The following NHLRC3 variants were observed in gnomAD, a reference collection of about 807,000 sequenced individuals.
The protein encoded by NHLRC3 is NHL repeat containing 3.
In NHLRC3, 23 loss-of-function variants were observed where a neutral mutation model predicts 32.0. The observed-to-expected ratio is 0.72, with a 90% CI of 0.52 to 1.02. The LOEUF is 1.02. Among genes scored for constraint, NHLRC3 ranks in the 50% least tolerant of loss-of-function variants. The pLI is 0.00. For missense variants in NHLRC3, 407 were observed against 406.8 expected (o/e 1.00, Z -0.01); for synonymous variants, 159 against 147.9 (o/e 1.08, Z -0.55).
chr13:39,043,029 C>T (rs1871522793), intron 4 of NHLRC3, among the ~76,000 whole-genome samples: 1 of 152,154 alleles, frequency 6.6e-6, no homozygotes, highest in Non-Finnish European at 1.5e-5. Flanking sequence ...TTGCCTATAA[C>T]ATTTTTGAGG....
At chr13:39,041,490 G>A (rs1462726064) in intron 3 of NHLRC3, 1 of 152,350 alleles carries the variant, frequency 6.6e-6, no homozygotes, top group Non-Finnish European at 1.5e-5. Context: ...TCTGCTTTAT[G>A]CTCTTGCTTG....
chr13:39,039,703 T>A lies in NHLRC3; in HGVS notation c.377T>A (p.Val126Glu). 6.2e-7 allele frequency: 1 copy of A among 1,610,388 alleles called. No homozygotes were observed. The highest frequency in any genetic ancestry group is 8.5e-7 in the Non-Finnish European group (1 of 1,176,720). Residue 126 changes from valine to glutamate, a missense_variant, in exon 3 of 7, where the codon GTA becomes GAA. Coordinates refer to ENST00000379600, the MANE Select transcript of NHLRC3 (RefSeq NM_001012754.4). Reference protein sequence around the residue: ...LYEQSVWITDVGSGFFGHTVK... With the variant: ...LYEQSVWITDEGSGFFGHTVK... ...GAACAATCCGTCTGGATCACGGATG[T>A]AGGAAGTGGTATGTATAGTAATATC...
rs780783121 is a variant in NHLRC3, at chr13:39,038,509, G to A, written c.-131G>A. On this transcript the variant is annotated 5_prime_UTR_variant, in exon 1 of 7. Transcript: ENST00000379600. ...ACTCAAAGCTCGTGCATCCAGGGAG[G>A]GGAAACCGGAGATAGGGTCTTCGGG... 20 of 740,130 alleles carry A rather than the reference G, an allele frequency of 2.7e-5. No individual in the cohort carries two copies. Among genetic ancestry groups the A allele is most frequent in the Admixed American group, 1.0e-4 (5 of 48,024 alleles). 45.8% of individuals were successfully genotyped at this position (740,130 alleles called of 1,614,324 possible). A position where few individuals can be genotyped will look rare whatever the true frequency, so the allele number is the denominator to read the frequency against.
chr13:39,044,046 AC>A (rs1435731034), intron 4 of NHLRC3, 43 bp from the exon 5 acceptor site: 1 of 1,299,338 alleles, frequency 7.7e-7, no homozygotes, highest in Non-Finnish European at 1.1e-6. Context: ...AATGCATGAG[AC>A]ATTCTATATG....
upstream of NHLRC3, chr13:39,038,316 TTGG>T: frequency 2.6e-6 from 1 of 384,550 alleles, no homozygotes; most frequent in South Asian, 3.3e-5. Context: ...CGCCCATACT[TTGG>T]TGGCCACTGA....
At chr13:39,045,168 A>C (rs989139477) in intron 5 of NHLRC3, among the ~76,000 whole-genome samples, 4 of 152,226 alleles carry the variant, frequency 2.6e-5, no homozygotes, top group African/African-American at 9.6e-5. Context: ...ATTGACAAAA[A>C]TGAGAATGTT....
chr13:39,048,773 C>T lies in NHLRC3; in HGVS notation c.*847C>T, dbSNP rs1341540426. Reference sequence around the variant, plus strand: ...GCCTTTAAATGTAGGAATAAAATGGCTGGCATCTAAGCACTTTAGTAAAAG... The same window carrying T: ...GCCTTTAAATGTAGGAATAAAATGGTTGGCATCTAAGCACTTTAGTAAAAG... On this transcript the variant is annotated 3_prime_UTR_variant, in exon 7 of 7. Transcript: ENST00000379600. 6.6e-6 allele frequency: 1 copy of T among 152,270 alleles called. No homozygotes were observed. Among genetic ancestry groups the T allele is most frequent in the Non-Finnish European group, 1.5e-5 (1 of 68,024 alleles). The allele number at this position is 152,270 out of a possible 1,614,324, so 9.4% of individuals were successfully genotyped here.
rs1200170103 is a variant in NHLRC3 at position 39,049,889 on chromosome 13, G to A, written c.*1963G>A. 1 of 152,138 alleles carries A rather than the reference G, an allele frequency of 6.6e-6. No individual in the cohort carries two copies. Among genetic ancestry groups the A allele is most frequent in the Non-Finnish European group, 1.5e-5 (1 of 68,020 alleles). The allele number at this position is 152,138 out of a possible 1,614,324, so 9.4% of individuals were successfully genotyped here. A position where few individuals can be genotyped will look rare whatever the true frequency, so the allele number is the denominator to read the frequency against. On this transcript the variant is annotated 3_prime_UTR_variant, in exon 7 of 7. Coordinates refer to ENST00000379600, the MANE Select transcript of NHLRC3 (RefSeq NM_001012754.4). The stretch of plus-strand genomic sequence containing the variant: ...TTTTATTTTACTTTGTTTTATATCA[G>A]AGTCTTATAAAACCTGCTGCAAATA...
Position 39,047,868 on chromosome 13 carries a change from C to A in NHLRC3, c.986C>A (p.Ala329Glu). Residue 329 changes from alanine (A) to glutamate (E), a missense_variant, in exon 7 of 7, where the codon GCA (alanine) becomes GAA (glutamate). By Grantham distance (107) the Ala-to-Glu change is moderately radical. Coordinates refer to ENST00000379600, the MANE Select transcript of NHLRC3 (RefSeq NM_001012754.4). ...GCAGTCTATGTAGCAGAAATTGGAG[C>A]AAAACAAGTACAAAAATATGTCCCT... ...TGAVYVAEIG[A>E]KQVQKYVPLN... is the part of the protein sequence containing the mutation. 1 of 1,613,642 alleles carries A rather than the reference C, an allele frequency of 6.2e-7. No individual in the cohort carries two copies. Among genetic ancestry groups the A allele is most frequent in the Non-Finnish European group, 8.5e-7 (1 of 1,179,606 alleles).
In NHLRC3 at chr13:39,048,230, T is replaced by A. The variant is rs1204179830; in HGVS notation, c.*304T>A. 2 of 198,570 alleles carry A rather than the reference T, an allele frequency of 1.0e-5. No homozygotes were observed. Among genetic ancestry groups the A allele is most frequent in the African/African-American group, 2.3e-5 (1 of 43,374 alleles). 12.3% of individuals were successfully genotyped at this position (198,570 alleles called of 1,614,324 possible). A position where few individuals can be genotyped will look rare whatever the true frequency, so the allele number is the denominator to read the frequency against. On this transcript the variant is annotated 3_prime_UTR_variant, in exon 7 of 7. Transcript: ENST00000379600. The stretch of plus-strand genomic sequence containing the variant: ...ACTGATTCTCCCTGGGTAAAAAAAA[T>A]GGGAATAAAAATGAGCTTGCATGAT...
At position 39,042,252 on chromosome 13, in the gene NHLRC3, A is replaced by C; in HGVS notation, c.533A>C (p.Tyr178Ser). Residue 178 changes from tyrosine (Y) to serine (S), a missense_variant, in exon 4 of 7, where the codon TAC becomes TCC. Physicochemically the swap from Tyr to Ser is moderately radical, Grantham distance 144. Coordinates refer to ENST00000379600, the MANE Select transcript of NHLRC3 (RefSeq NM_001012754.4). ...ELYVEDTGDI[Y>S]IVDGDGGLNN... Reference sequence around the variant, plus strand: ...TATGTAGAGGACACAGGAGATATTTACATTGTGGATGGAGATGGAGGATTG... The same window carrying C: ...TATGTAGAGGACACAGGAGATATTTCCATTGTGGATGGAGATGGAGGATTG... 1 of 1,611,300 alleles carries C rather than the reference A, an allele frequency of 6.2e-7. No homozygotes were observed. Among genetic ancestry groups the C allele is most frequent in the Non-Finnish European group, 8.5e-7 (1 of 1,177,516 alleles).
At chr13:39,045,716 CTT>C (rs1195488158) in intron 5 of NHLRC3, among the ~76,000 whole-genome samples, 1 of 152,172 alleles carries the variant, frequency 6.6e-6, no homozygotes, top group Non-Finnish European at 1.5e-5. Flanking sequence ...GTCTCAAACT[CTT>C]TAAGAAAACC....
Position 39,044,229 on chromosome 13 carries a change from T to TTGTGTGTGTGTGTGTGTG in NHLRC3, c.678+70_678+87dup, listed in dbSNP as rs370553701. ...TCTGGGACTTTGTGTCTGAATATGT[T>TTGTGTGTGTGTGTGTGTG]TGTGTGTGTGTGTGTGTGTGTGTGT... On this transcript the variant is annotated intron_variant, in intron 5 of 6. Coordinates refer to ENST00000379600, the MANE Select transcript of NHLRC3 (RefSeq NM_001012754.4). The TTGTGTGTGTGTGTGTGTG allele has an allele frequency of 3.7e-5, 32 of 859,230 alleles. No individual in the cohort carries two copies. In the African/African-American group the frequency reaches 5.9e-4, roughly 16 times the overall value. 53.2% of individuals were successfully genotyped at this position (859,230 alleles called of 1,614,324 possible). A position where few individuals can be genotyped will look rare whatever the true frequency, so the allele number is the denominator to read the frequency against.
Position 39,039,673 on chromosome 13 carries a change from T to C in NHLRC3, c.347T>C (p.Leu116Pro), listed in dbSNP as rs1566032384. The C allele has an allele frequency of 6.2e-7, 1 of 1,612,830 alleles. No homozygotes were observed. Among genetic ancestry groups the C allele is most frequent in the African/African-American group, 1.3e-5 (1 of 75,020 alleles). ...CATGGTATATTTGCAGCCAGTACTC[T>C]ATATGAACAATCCGTCTGGATCACG... ...TPHGIFAAST[L>P]YEQSVWITDV... Residue 116 changes from leucine (L) to proline (P), a missense_variant, in exon 3 of 7, where the codon CTA (leucine) becomes CCA (proline). By Grantham distance (98) the Leu-to-Pro change is moderately conservative (BLOSUM62 -3). Transcript: ENST00000379600.
intron 5 of NHLRC3, among the ~76,000 whole-genome samples, chr13:39,046,417 G>A (rs577703367): frequency 1.3e-5 from 2 of 152,226 alleles, no homozygotes; most frequent in Non-Finnish European, 2.9e-5. Flanking sequence ...CTTAGAACAA[G>A]TTCCTTAATA....
Position 39,038,593 on chromosome 13 carries a change from C to G in NHLRC3, c.-47C>G. The G allele has an allele frequency of 6.6e-7, 1 of 1,517,248 alleles. No homozygotes were observed. 94.0% of individuals were successfully genotyped at this position (1,517,248 alleles called of 1,614,324 possible). ...TTGCAGCCTGAGGCTGTCAGGTCCT[C>G]CCCCAGACACCTGCGGACCCTCCCT... is the stretch of plus-strand genomic sequence containing the variant. On this transcript the variant is annotated 5_prime_UTR_variant, in exon 1 of 7. Transcript: ENST00000379600.
In NHLRC3 at chr13:39,039,687, G is replaced by A. The variant is rs1199397276; in HGVS notation, c.361G>A (p.Val121Ile). The A allele has an allele frequency of 1.2e-6, 2 of 1,612,510 alleles. No homozygotes were observed. The highest frequency in any genetic ancestry group is 1.3e-5 in the African/African-American group (1 of 74,888). The change falls in exon 3 of 7, where the codon GTC (valine) becomes ATC (isoleucine). Residue 121 changes from valine to isoleucine, a missense_variant. Coordinates refer to ENST00000379600, the MANE Select transcript of NHLRC3 (RefSeq NM_001012754.4). ...FAASTLYEQSVWITDVGSGFF... is the reference protein window; with the variant it reads ...FAASTLYEQSIWITDVGSGFF... ...AGCCAGTACTCTATATGAACAATCC[G>A]TCTGGATCACGGATGTAGGAAGTGG...
intron 2 of NHLRC3, 100 bp from the exon 3 acceptor site, chr13:39,039,463 GT>G: frequency 8.3e-7 from 1 of 1,203,826 alleles, no homozygotes; most frequent in East Asian, 2.4e-5. Flanking sequence ...TTTGAAAGTG[GT>G]TTTTGTAGTA....
At chr13:39,047,620 A>T (rs979886050) in intron 6 of NHLRC3, 54 bp from the exon 7 acceptor site, 19 of 1,502,458 alleles carry the variant, frequency 1.3e-5, no homozygotes, top group Non-Finnish European at 1.7e-5. Context: ...TTGAAAAAAA[A>T]TACCCTTATG....
Sources: gnomAD v4.1 joint callset for allele counts (sites outside exome capture counted in the v4.1 genomes callset) on GRCh38, gnomAD v4.1.1 for gene constraint, MANE v1.5 for transcripts, NCBI Gene and HGNC (gene_info 2026-07-23, HGNC 2026-07-21) for gene names.